Variants in DTD1 observed in about 807,000 individuals in gnomAD.
DTD1 encodes the protein D-aminoacyl-tRNA deacylase 1.
In DTD1, 13 loss-of-function variants were observed where a neutral mutation model predicts 25.6. The observed-to-expected ratio is 0.51, with a 90% CI of 0.33 to 0.81. DTD1 has a LOEUF of 0.81. Ranked by LOEUF, DTD1 falls within the 30% of genes least tolerant of loss-of-function variation. The pLI is 0.02. For synonymous variants in DTD1, 110 were observed against 103.6 expected (o/e 1.06, Z -0.37); for missense variants, 193 against 266.4 (o/e 0.72, Z 1.92).
chr20:18,728,164 C>A (rs561175369), intron 4 of DTD1, among the ~76,000 whole-genome samples: 18 of 152,302 alleles, frequency 1.2e-4, no homozygotes, highest in African/African-American at 3.8e-4. Flanking sequence ...CTGGCCTTGT[C>A]TACTTGCTGA....
chr20:18,644,863 G>C (rs1442343237), intron 4 of DTD1, among the ~76,000 whole-genome samples: 1 of 152,134 alleles, frequency 6.6e-6, no homozygotes, highest in African/African-American at 2.4e-5. Context: ...GTGGCGTATG[G>C]GGCCAGGCGC....
intron 5 of DTD1, among the ~76,000 whole-genome samples, chr20:18,758,653 G>T (rs909852670): frequency 6.6e-6 from 1 of 152,014 alleles, no homozygotes; most frequent in Admixed American, 6.6e-5. Context: ...GTTGTAATTT[G>T]TTCTTTTACA....
intron 4 of DTD1, among the ~76,000 whole-genome samples, chr20:18,695,540 C>CTT (rs2061071588): frequency 6.3e-5 from 2 of 31,934 alleles, no homozygotes; most frequent in Non-Finnish European, 1.4e-4. Flanking sequence ...CCTTCCTTTC[C>CTT]CTTCCCTTCC....
chr20:18,640,629 A>AT (rs61085364), intron 4 of DTD1, among the ~76,000 whole-genome samples: 16,168 of 140,272 alleles, frequency 0.12, 1,023 homozygotes, highest in East Asian at 0.17. Context: ...TATCTGCAGA[A>AT]TTTTTTTTTT....
At chr20:18,595,728 A>G (rs1169780503) in intron 2 of DTD1, among the ~76,000 whole-genome samples, 2 of 152,204 alleles carry the variant, frequency 1.3e-5, no homozygotes, top group Admixed American at 1.3e-4. Flanking sequence ...TCTTAGCCCC[A>G]GTTCTCACCA....
At chr20:18,651,314 G>A (rs117704324) in intron 4 of DTD1, among the ~76,000 whole-genome samples, 176 of 152,280 alleles carry the variant, frequency 1.2e-3, no homozygotes, top group Middle Eastern at 3.4e-3. Context: ...ACCACACTGA[G>A]CTAATTTTTG....
intron 5 of DTD1, among the ~76,000 whole-genome samples, chr20:18,762,572 T>C (rs1324235837): frequency 1.3e-5 from 2 of 152,218 alleles, no homozygotes; most frequent in East Asian, 1.9e-4. Context: ...TTGGAAATCA[T>C]GCTTTTATAT....
intron 4 of DTD1, among the ~76,000 whole-genome samples, chr20:18,689,974 C>T (rs910317673): frequency 7.9e-5 from 12 of 150,974 alleles, no homozygotes; most frequent in Admixed American, 2.0e-4. Flanking sequence ...CTTGTCTCTA[C>T]GAAAAACAAA....
chr20:18,749,207 G>T lies in DTD1; in HGVS notation c.*19+4936G>T, dbSNP rs191890599. Among the ~76,000 whole-genome samples the T allele has an allele frequency of 2.0e-5, 3 of 152,154 alleles. No homozygotes were observed. Among genetic ancestry groups the T allele is most frequent in the African/African-American group, 4.8e-5 (2 of 41,442 alleles). ...TTGGGTTGCAGGAAACTTGGAAGCC[G>T]TGACAGGGATTCTGGAGGGAGAGCA... On this transcript the variant is annotated intron_variant, in intron 5 of 5. Transcript: ENST00000377452. The surrounding 1 kb of genome is among the most constrained non-coding windows in gnomAD (Gnocchi z 4.2).
intron 4 of DTD1, among the ~76,000 whole-genome samples, chr20:18,650,456 C>T (rs2060870080): frequency 6.6e-6 from 1 of 152,164 alleles, no homozygotes; most frequent in Admixed American, 6.5e-5. Context: ...ATGAAATCTG[C>T]CCTCCTGCTC....
chr20:18,744,675 C>T (rs1370841155), intron 5 of DTD1, among the ~76,000 whole-genome samples: 1 of 148,180 alleles, frequency 6.7e-6, no homozygotes, highest in Non-Finnish European at 1.5e-5. Flanking sequence ...GGGGTTTCCC[C>T]TTATAAAACC....
chr20:18,610,953 A>G (rs1353355431), intron 3 of DTD1: 1 of 91,538 alleles, frequency 1.1e-5, no homozygotes, highest in Non-Finnish European at 2.7e-5. Context: ...TTCTGTGAAT[A>G]GTCAGAGACA....
intron 4 of DTD1, among the ~76,000 whole-genome samples, chr20:18,695,872 C>T (rs925189534): frequency 1.3e-5 from 2 of 151,808 alleles, no homozygotes; most frequent in African/African-American, 4.8e-5. Context: ...AGATGGGGTT[C>T]TCACTATGTT....
intron 4 of DTD1, among the ~76,000 whole-genome samples, chr20:18,666,751 A>T (rs2060932713): frequency 6.6e-6 from 1 of 152,050 alleles, no homozygotes; most frequent in Admixed American, 6.6e-5. Flanking sequence ...TCTCTACTTA[A>T]TTTTTTTTAA....
intron 4 of DTD1, among the ~76,000 whole-genome samples, chr20:18,695,499 C>A: frequency 2.9e-5 from 2 of 70,068 alleles, no homozygotes; most frequent in African/African-American, 1.1e-4. Context: ...CCTTTCCTTT[C>A]CCTTCCCTTC....
At chr20:18,681,083 TTTG>T (rs1363669822) in intron 4 of DTD1, among the ~76,000 whole-genome samples, 4 of 152,106 alleles carry the variant, frequency 2.6e-5, no homozygotes, top group Non-Finnish European at 5.9e-5. Context: ...ATCCCAGTGA[TTTG>T]TTGTTGTTGT....
chr20:18,717,017 A>G (rs1285598186), intron 4 of DTD1, among the ~76,000 whole-genome samples: 1 of 152,192 alleles, frequency 6.6e-6, no homozygotes, highest in Non-Finnish European at 1.5e-5. Context: ...TTTCCTTGGA[A>G]TGTTGTAACT....
intron 4 of DTD1, among the ~76,000 whole-genome samples, chr20:18,639,609 T>A (rs925534562): frequency 1.3e-5 from 2 of 152,162 alleles, no homozygotes; most frequent in African/African-American, 4.8e-5. Flanking sequence ...GCAGCCACTT[T>A]ATACCTCACT....
chr20:18,648,639 T>C (rs1294816476), intron 4 of DTD1, among the ~76,000 whole-genome samples: 1 of 152,158 alleles, frequency 6.6e-6, no homozygotes, highest in Non-Finnish European at 1.5e-5. Context: ...CCTCCACTTG[T>C]CATGGTGCTT....
Sources: gnomAD v4.1 joint callset for allele counts (sites outside exome capture counted in the v4.1 genomes callset) on GRCh38, gnomAD v4.1.1 for gene constraint, Gnocchi (gnomAD v3.1) non-coding constraint, MANE v1.5 for transcripts, NCBI Gene and HGNC (gene_info 2026-07-23, HGNC 2026-07-21) for gene names.